SKAP1: variants seen among roughly 807,000 people sequenced by gnomAD.
The protein encoded by SKAP1 is src kinase associated phosphoprotein 1.
SKAP1 carries 44 observed loss-of-function variants against 58.5 expected under a neutral mutation model. The ratio of observed to expected loss-of-function variants is 0.75; its 90% CI spans 0.59 to 0.97. SKAP1 has a LOEUF of 0.97. Ranked by LOEUF, SKAP1 falls within the 50% of genes least tolerant of loss-of-function variation. The pLI is 0.00. For missense variants in SKAP1, 390 were observed against 435.2 expected, an observed-to-expected ratio of 0.90 and a Z score of 0.92; for synonymous variants, 127 against 149.7, an observed-to-expected ratio of 0.85 and a Z score of 1.11.
intron 11 of SKAP1, among the ~76,000 whole-genome samples, chr17:48,138,810 C>G (rs1359925977): frequency 6.6e-6 from 1 of 151,934 alleles, no homozygotes; most frequent in Non-Finnish European, 1.5e-5. Flanking sequence ...GCCACTGTGC[C>G]CACTCTGAGT....
At chr17:48,173,067 C>T (rs1398836582) in intron 9 of SKAP1, among the ~76,000 whole-genome samples, 1 of 152,064 alleles carries the variant, frequency 6.6e-6, no homozygotes, top group East Asian at 1.9e-4. Context: ...GTAGTTCCAG[C>T]TACTTGGGAG....
intron 2 of SKAP1, among the ~76,000 whole-genome samples, chr17:48,367,561 C>CCATATATATATATATGTATATATATCT (rs2067023578): frequency 7.0e-6 from 1 of 142,174 alleles, no homozygotes; most frequent in Non-Finnish European, 1.5e-5. Context: ...GATATATATC[C>CCATATATATATATATGTATATATATCT]ATATATATAT....
At chr17:48,283,143 T>C (rs949166938) in intron 4 of SKAP1, among the ~76,000 whole-genome samples, 1 of 152,042 alleles carries the variant, frequency 6.6e-6, no homozygotes, top group Non-Finnish European at 1.5e-5. Flanking sequence ...ATAGGTAATA[T>C]CAAGAGACTC....
chr17:48,352,083 A>AG (rs909071022), intron 3 of SKAP1, among the ~76,000 whole-genome samples: 3 of 83,182 alleles, frequency 3.6e-5, no homozygotes, highest in Admixed American at 1.4e-4. Flanking sequence ...AAGAAAAGAG[A>AG]AAAAAAAAAA....
intron 9 of SKAP1, among the ~76,000 whole-genome samples, chr17:48,171,734 A>AGTGTGTGTGTGTGT (rs3221423): frequency 0.024 from 3,650 of 149,060 alleles, 55 homozygotes; most frequent in East Asian, 0.038. Context: ...AGGATGTTAG[A>AGTGTGTGTGTGTGT]GTGTGTGTGT....
At chr17:48,302,476 CT>C (rs2066073267) in intron 4 of SKAP1, among the ~76,000 whole-genome samples, 1 of 152,298 alleles carries the variant, frequency 6.6e-6, no homozygotes, top group South Asian at 2.1e-4. Context: ...TCCTTCTCCC[CT>C]CCATTTCATG....
chr17:48,236,809 T>C (rs1485687984), intron 4 of SKAP1, among the ~76,000 whole-genome samples: 1 of 152,164 alleles, frequency 6.6e-6, no homozygotes, highest in Non-Finnish European at 1.5e-5. Flanking sequence ...TCTGTAGACA[T>C]AGGATGCTTG....
chr17:48,314,300 G>A (rs867616493), intron 4 of SKAP1, among the ~76,000 whole-genome samples: 5 of 152,074 alleles, frequency 3.3e-5, no homozygotes, highest in Admixed American at 1.3e-4. Flanking sequence ...ACATTAACAG[G>A]CTTTATAGGT....
chr17:48,143,509 C>A (rs556925826), intron 11 of SKAP1, among the ~76,000 whole-genome samples: 2 of 152,186 alleles, frequency 1.3e-5, no homozygotes, highest in South Asian at 4.2e-4. Context: ...CCTGTCAGGG[C>A]ATTTTTAAGC....
chr17:48,137,910 T>C (rs2063721348), intron 11 of SKAP1, among the ~76,000 whole-genome samples: 1 of 152,154 alleles, frequency 6.6e-6, no homozygotes, highest in Admixed American at 6.5e-5. Flanking sequence ...TTTGTGAGAG[T>C]AGGGATAATA....
intron 4 of SKAP1, among the ~76,000 whole-genome samples, chr17:48,259,325 C>T (rs899940317): frequency 6.6e-6 from 1 of 152,064 alleles, no homozygotes; most frequent in Non-Finnish European, 1.5e-5. Flanking sequence ...GAATAGTTCA[C>T]TTTCTTCTCT....
intron 3 of SKAP1, 80 bp downstream of exon 3, chr17:48,363,709 C>T (rs1371127282): frequency 8.0e-7 from 1 of 1,248,848 alleles, no homozygotes. Flanking sequence ...TGTGGAGAAG[C>T]TTGTAGAGAA....
intron 11 of SKAP1, among the ~76,000 whole-genome samples, chr17:48,148,745 G>A (rs2063863385): frequency 6.6e-6 from 1 of 152,150 alleles, no homozygotes; most frequent in South Asian, 2.1e-4. Context: ...GGGAGGGGGT[G>A]TTGGGGGAGG....
upstream of SKAP1, among the ~76,000 whole-genome samples, chr17:48,430,708 T>C (rs1225520334): frequency 2.6e-5 from 4 of 152,150 alleles, no homozygotes; most frequent in Non-Finnish European, 5.9e-5. Context: ...CAATAAGCAA[T>C]ATAAGGACAC....
chr17:48,328,210 T>G (rs1170310053), intron 4 of SKAP1, among the ~76,000 whole-genome samples: 1 of 152,210 alleles, frequency 6.6e-6, no homozygotes, highest in Non-Finnish European at 1.5e-5. Context: ...GAGGGTTAAA[T>G]GTGGTGATGC....
intron 2 of SKAP1, among the ~76,000 whole-genome samples, chr17:48,372,585 G>A (rs1478694104): frequency 6.6e-6 from 1 of 151,786 alleles, no homozygotes; most frequent in African/African-American, 2.4e-5. Flanking sequence ...GATTACAGGC[G>A]TGAGCCACCA....
At chr17:48,206,438 T>C (rs542489104) in intron 4 of SKAP1, among the ~76,000 whole-genome samples, 23 of 152,140 alleles carry the variant, frequency 1.5e-4, no homozygotes, top group African/African-American at 5.3e-4. Context: ...AAGACGTTTT[T>C]TTTTATACCC....
At chr17:48,436,940 T>TTGGGCATTGC in the SKAP1 span, among the ~76,000 whole-genome samples, 2 of 152,190 alleles carry the variant, frequency 1.3e-5, no homozygotes, top group Admixed American at 1.3e-4. Context: ...CCCTATCTGA[T>TTGGGCATTGC]CCTCTTTCTG....
In SKAP1 at chr17:48,137,279, G is replaced by A. The variant is rs761632125; in HGVS notation, c.1037C>T (p.Pro346Leu). 2.9e-5 allele frequency: 46 copies of A among 1,613,678 alleles called. No individual in the cohort carries two copies. Among genetic ancestry groups the A allele is most frequent in the Non-Finnish European group, 3.4e-6 (4 of 1,179,810 alleles). The stretch of plus-strand genomic sequence containing the variant: ...AAAGGCAGTGGTGAGATACTCCTTT[G>A]GAACAATCCCAACGAGGCTGTTCAG... ...GELNSLVGIV[P>L]KEYLTTAFEV... The change falls in exon 12 of 13, where the codon CCA becomes CTA. Residue 346 changes from proline to leucine, a missense_variant. By Grantham distance (98) the Pro-to-Leu change is moderately conservative. Coordinates refer to ENST00000336915, the MANE Select transcript of SKAP1 (RefSeq NM_003726.4).
Sources: gnomAD v4.1 joint callset for allele counts (sites outside exome capture counted in the v4.1 genomes callset) on GRCh38, gnomAD v4.1.1 for gene constraint, MANE v1.5 for transcripts, NCBI Gene and HGNC (gene_info 2026-07-23, HGNC 2026-07-21) for gene names.